ROS1: variants seen among roughly 807,000 people sequenced by gnomAD.
ROS1 encodes ROS proto-oncogene 1, receptor tyrosine kinase.
A neutral mutation model predicts 273.5 loss-of-function variants in ROS1; 263 were observed. The ratio of observed to expected loss-of-function variants is 0.96; its 90% CI spans 0.87 to 1.06. The LOEUF is 1.06. Among genes scored for constraint, ROS1 ranks in the 50% least tolerant of loss-of-function variants. The probability of loss-of-function intolerance (pLI) is 0.00; values close to 1 mark genes in which losing one functional copy is unlikely to be tolerated. For synonymous variants in ROS1, 1,008 were observed against 954.1 expected, an observed-to-expected ratio of 1.06 and a Z score of -1.04; for missense variants, 2,833 against 2,751.1, an observed-to-expected ratio of 1.03 and a Z score of -0.67.
At chr6:117,336,100 G>A (rs1482613755) in intron 32 of ROS1, among the ~76,000 whole-genome samples, 1 of 152,094 alleles carries the variant, frequency 6.6e-6, no homozygotes, top group Non-Finnish European at 1.5e-5. Flanking sequence ...AACAAAATAA[G>A]TGATAAATGA....
rs368718579 is a variant in ROS1, at chr6:117,391,019, A to ACCCCAAG, written c.1290-1180_1290-1174dup. On this transcript the variant is annotated intron_variant, in intron 12 of 43. Coordinates refer to ENST00000368507, the MANE Select transcript of ROS1 (RefSeq NM_001378902.1). ...TATACTTTGATAAATTCTTATCCCA[A>ACCCCAAG]CCCCAAGGACTGGCAGCATTCCAAC... 3.3e-3 allele frequency among the ~76,000 whole-genome samples: 502 copies of ACCCCAAG among 152,278 alleles called. 7 individuals are homozygous for ACCCCAAG. Among genetic ancestry groups the ACCCCAAG allele is most frequent in the African/African-American group, 0.012 (488 of 41,564 alleles).
In ROS1 at chr6:117,341,202, C is replaced by T. The variant is rs149694844; in HGVS notation, c.4994G>A (p.Ser1665Asn). ...KPYSLVPENTSLQFNWKAPLN... is the reference protein window; with the variant it reads ...KPYSLVPENTNLQFNWKAPLN... ...TGGAGCCTTCCAATTAAATTGCAAA[C>T]TAGTGTTCTCTGGAACCAAGGAATA... The change falls in exon 31 of 44, where the codon AGT (serine) becomes AAT (asparagine). Residue 1665 changes from serine (S) to asparagine (N), a missense_variant. Physicochemically the swap from Ser to Asn is conservative, Grantham distance 46. Transcript: ENST00000368507. The T allele has an allele frequency of 6.2e-7, 1 of 1,613,478 alleles. No individual in the cohort carries two copies. The highest frequency in any genetic ancestry group is 8.5e-7 in the Non-Finnish European group (1 of 1,179,598).
intron 7 of ROS1, among the ~76,000 whole-genome samples, chr6:117,400,347 C>T (rs1478414473): frequency 2.0e-5 from 3 of 152,214 alleles, no homozygotes; most frequent in Non-Finnish European, 4.4e-5. Flanking sequence ...GTTAGTTAGG[C>T]ATGTGCTTTA....
At chr6:117,383,841 C>T (rs1239700475) in intron 16 of ROS1, among the ~76,000 whole-genome samples, 1 of 152,128 alleles carries the variant, frequency 6.6e-6, no homozygotes, top group East Asian at 1.9e-4. Context: ...ATTAGACTCC[C>T]GAAAAAAGAT....
In ROS1 at chr6:117,338,280, T is replaced by C. The variant is rs533504110; in HGVS notation, c.5062-940A>G. Among the ~76,000 whole-genome samples, 18 of 152,186 alleles carry C rather than the reference T, an allele frequency of 1.2e-4. No individual in the cohort carries two copies. The East Asian group carries it at 3.5e-3, about 29-fold the overall frequency. ...TCATTAAATGGATACTTTATATTAGTTTTCTATTCAGTAAGGAATGATTCT... is the reference window on the plus strand; with the variant it reads ...TCATTAAATGGATACTTTATATTAGCTTTCTATTCAGTAAGGAATGATTCT... On this transcript the variant is annotated intron_variant, in intron 31 of 43. Coordinates refer to ENST00000368507, the MANE Select transcript of ROS1 (RefSeq NM_001378902.1).
At chr6:117,324,527 G>A in intron 34 of ROS1, 112 bp from the exon 35 acceptor site, 2 of 580,196 alleles carry the variant, frequency 3.4e-6, no homozygotes, top group Non-Finnish European at 6.1e-6. Flanking sequence ...CTGGATTTTT[G>A]CAAGCCAGTT....
chr6:117,398,371 A>G (rs141629222), intron 7 of ROS1, among the ~76,000 whole-genome samples: 1 of 152,296 alleles, frequency 6.6e-6, no homozygotes, highest in African/African-American at 2.4e-5. Context: ...GAAAAGACCC[A>G]GTTAAAAGGC....
rs999448121 is a variant in ROS1 at position 117,308,652 on chromosome 6, G to A, written c.6551+142C>T. On this transcript the variant is annotated intron_variant, in intron 42 of 43. Transcript: ENST00000368507. ...TAATATATTCACAAATTGACACAAT[G>A]AATTGATATTTTATGTGGGGTATAC... The A allele has an allele frequency of 3.8e-5, 28 of 735,962 alleles. No individual in the cohort carries two copies. In the African/African-American group the frequency reaches 4.5e-4, roughly 12 times the overall value. The allele number at this position is 735,962 out of a possible 1,614,324, so 45.6% of individuals were successfully genotyped here.
chr6:117,300,086 CTTTTTTTTTTT>C (rs10700318), intron 43 of ROS1, among the ~76,000 whole-genome samples: 3 of 31,836 alleles, frequency 9.4e-5, no homozygotes, highest in African/African-American at 3.9e-4. Context: ...CCAGGACAGG[CTTTTTTTTTTT>C]TTTTTTTTTT....
chr6:117,365,928 T>A, intron 19 of ROS1, 148 bp downstream of exon 19: 1 of 855,232 alleles, frequency 1.2e-6, no homozygotes, highest in Non-Finnish European at 1.8e-6. Flanking sequence ...TGGGTTAAGA[T>A]TAAACTCACT....
chr6:117,385,621 G>T (rs1326537627), intron 16 of ROS1, 62 bp downstream of exon 16: 3 of 1,409,828 alleles, frequency 2.1e-6, no homozygotes, highest in Non-Finnish European at 9.8e-7. Flanking sequence ...AAATTGGTGT[G>T]CAAGTCACTG....
At position 117,329,317 on chromosome 6, in the gene ROS1, A is replaced by G; in HGVS notation, c.5348+12T>C. ...TCTTTGTCATTTACAAGTACTTTGCAAACACACATACCTTATCTCAAGGAT... is the reference window on the plus strand; with the variant it reads ...TCTTTGTCATTTACAAGTACTTTGCGAACACACATACCTTATCTCAAGGAT... On this transcript the variant is annotated intron_variant, in intron 33 of 43. Transcript: ENST00000368507. 1 of 1,218,576 alleles carries G rather than the reference A, an allele frequency of 8.2e-7. No individual in the cohort carries two copies. Among genetic ancestry groups the G allele is most frequent in the Non-Finnish European group, 1.2e-6 (1 of 838,606 alleles). 75.5% of individuals were successfully genotyped at this position (1,218,576 alleles called of 1,614,324 possible). A position where few individuals can be genotyped will look rare whatever the true frequency, so the allele number is the denominator to read the frequency against.
chr6:117,341,360 T>C (rs1253984924), intron 30 of ROS1, 40 bp downstream of exon 30: 1 of 1,611,178 alleles, frequency 6.2e-7, no homozygotes, highest in East Asian at 2.2e-5. Flanking sequence ...GCCTTGCACT[T>C]GAGAATGACA....
At chr6:117,415,182 T>C (rs1775247123) in intron 3 of ROS1, among the ~76,000 whole-genome samples, 1 of 152,224 alleles carries the variant, frequency 6.6e-6, no homozygotes, top group Admixed American at 6.5e-5. Context: ...CTGAGAAATA[T>C]TTAATAGCCA....
At chr6:117,418,819 C>T (rs769591848) in intron 1 of ROS1, among the ~76,000 whole-genome samples, 3 of 152,138 alleles carry the variant, frequency 2.0e-5, no homozygotes, top group Non-Finnish European at 4.4e-5. Context: ...AGTCAAAGGA[C>T]TCCTAGGTGA....
Position 117,308,809 on chromosome 6 carries a change from T to C in ROS1, c.6536A>G (p.Asn2179Ser). The change falls in exon 42 of 44, where the codon AAT (asparagine) becomes AGT (serine). Residue 2179 changes from asparagine to serine, a missense_variant. Transcript: ENST00000368507. ...ATTAACTTACAGATCATCAGGACAA[T>C]TTCTTGGTGGCTCCAGTCTCCCTCC... ...QTGGRLEPPR[N>S]CPDDLWNLMT... The C allele has an allele frequency of 6.2e-7, 1 of 1,613,190 alleles. No individual in the cohort carries two copies. The highest frequency in any genetic ancestry group is 1.3e-5 in the African/African-American group (1 of 74,982).
At chr6:117,338,072 T>C (rs1450592245) in intron 31 of ROS1, among the ~76,000 whole-genome samples, 1 of 152,106 alleles carries the variant, frequency 6.6e-6, no homozygotes, top group Non-Finnish European at 1.5e-5. Context: ...TTTGGATCCT[T>C]AGTATCATTA....
intron 42 of ROS1, among the ~76,000 whole-genome samples, chr6:117,307,291 A>G (rs1453271567): frequency 1.3e-5 from 2 of 152,158 alleles, no homozygotes; most frequent in African/African-American, 2.4e-5. Context: ...AAAATATTGC[A>G]TGATTGTGAC....
At position 117,357,848 on chromosome 6, in the gene ROS1, A is replaced by C; in HGVS notation, c.3795T>G (p.Asn1265Lys). 6.2e-7 allele frequency: 1 copy of C among 1,613,224 alleles called. No homozygotes were observed. Among genetic ancestry groups the C allele is most frequent in the Non-Finnish European group, 8.5e-7 (1 of 1,179,466 alleles). The change falls in exon 25 of 44, where the codon AAT becomes AAG. Residue 1265 changes from asparagine (N) to lysine (K), a missense_variant. Physicochemically the swap from Asn to Lys is moderately conservative, Grantham distance 94. Coordinates refer to ENST00000368507, the MANE Select transcript of ROS1 (RefSeq NM_001378902.1). Reference protein sequence around the residue: ...VKYPREVKIHNRNSTIISFSV... With the variant: ...VKYPREVKIHKRNSTIISFSV... ...AAAAAGAAATTATTGTTGAATTCCT[A>C]TTGTGAATCTTCACCTCTCTGGGAT...
Sources: allele counts gnomAD v4.1 joint callset (sites outside exome capture counted in the v4.1 genomes callset), GRCh38; gene constraint gnomAD v4.1.1; transcripts MANE v1.5; gene names NCBI Gene and HGNC (gene_info 2026-07-23, HGNC 2026-07-21).